BACE1: variants seen among roughly 807,000 people sequenced by gnomAD.
BACE1 encodes the protein beta-secretase 1.
A neutral mutation model predicts 54.0 loss-of-function variants in BACE1; 21 were observed. The ratio of observed to expected loss-of-function variants is 0.39; its 90% CI spans 0.28 to 0.56. The LOEUF is 0.56. BACE1 is among the 20% of genes least tolerant of loss of function. The probability of loss-of-function intolerance (pLI) is 0.63; values close to 1 mark genes in which losing one functional copy is unlikely to be tolerated. For synonymous variants in BACE1, 232 were observed against 260.9 expected (o/e 0.89, Z 1.07); for missense variants, 511 against 661.2 (o/e 0.77, Z 2.49).
intron 5 of BACE1, chr11:117,292,152 C>T (rs1385138747): frequency 6.4e-6 from 1 of 157,336 alleles, no homozygotes; most frequent in Non-Finnish European, 1.4e-5. Context: ...AATAAAAATA[C>T]CTTGTTTAGT....
intron 2 of BACE1, chr11:117,295,687 C>A: frequency 6.7e-7 from 1 of 1,502,186 alleles, no homozygotes; most frequent in Non-Finnish European, 8.9e-7. Context: ...CTCTTCCGCC[C>A]TCTGGCTCCG....
chr11:117,314,218 TC>T (rs2035020325), intron 1 of BACE1, among the ~76,000 whole-genome samples: 1 of 152,198 alleles, frequency 6.6e-6, no homozygotes, highest in Non-Finnish European at 1.5e-5. Context: ...TTCTGTTTGC[TC>T]AGGGCCTGGA....
At chr11:117,295,383 C>A in intron 2 of BACE1, 36 bp from the exon 3 acceptor site, 1 of 1,606,064 alleles carries the variant, frequency 6.2e-7, no homozygotes, top group Non-Finnish European at 8.5e-7. Context: ...GGATGCATAA[C>A]CACAACTGGT....
rs555861462 is a variant in BACE1, at chr11:117,293,253, C to G, written c.706-65G>C. 1.9e-6 allele frequency: 3 copies of G among 1,556,860 alleles called. No homozygotes were observed. The highest frequency in any genetic ancestry group is 2.7e-5 in the African/African-American group (2 of 73,102). ...GAAGGAGAGTGAGTCCCCCAAGGAC[C>G]AAGCAATAAGATCAGTGATTTCTTG... On this transcript the variant is annotated intron_variant, in intron 4 of 8. Coordinates refer to ENST00000313005, the MANE Select transcript of BACE1 (RefSeq NM_012104.6). This position sits in a 1 kb window ranked among gnomAD's most constrained non-coding sequence, Gnocchi z 4.1.
rs752204530 is a variant in BACE1 at position 117,295,135 on chromosome 11, G to C, written c.563C>G (p.Ala188Gly). Residue 188 changes from alanine (A) to glycine (G), a missense_variant, in exon 3 of 9, where the codon GCC (alanine) becomes GGC (glycine). By Grantham distance (60) the Ala-to-Gly change is moderately conservative. Coordinates refer to ENST00000313005, the MANE Select transcript of BACE1 (RefSeq NM_012104.6). ...GILGLAYAEI[A>G]RPDDSLEPFF... ...GCCAAGCCCTGTTCCTCTCACCCTG[G>C]CAATCTCAGCATAGGCCAGCCCCAG... 5.6e-6 allele frequency: 9 copies of C among 1,613,936 alleles called. No individual in the cohort carries two copies. The highest frequency in any genetic ancestry group is 6.8e-6 in the Non-Finnish European group (8 of 1,179,876).
At chr11:117,295,994 T>C (rs1225903573) in intron 2 of BACE1, among the ~76,000 whole-genome samples, 1 of 152,184 alleles carries the variant, frequency 6.6e-6, no homozygotes, top group Admixed American at 6.5e-5. Flanking sequence ...GAATGCCCTT[T>C]CATCGATCCT....
intron 1 of BACE1, among the ~76,000 whole-genome samples, chr11:117,303,283 G>C (rs964779): frequency 0.011 from 1,604 of 152,256 alleles, 20 homozygotes; most frequent in African/African-American, 0.034. Flanking sequence ...CAGATGCCCA[G>C]GGAGCTGCAG....
At chr11:117,298,515 C>T (rs1279745848) in intron 1 of BACE1, among the ~76,000 whole-genome samples, 1 of 152,204 alleles carries the variant, frequency 6.6e-6, no homozygotes, top group Non-Finnish European at 1.5e-5. Flanking sequence ...TCTGGCTTAT[C>T]CCCTCCAGCT....
At chr11:117,305,365 G>A (rs916589623) in intron 1 of BACE1, among the ~76,000 whole-genome samples, 4 of 152,288 alleles carry the variant, frequency 2.6e-5, no homozygotes, top group Non-Finnish European at 5.9e-5. Flanking sequence ...AGAGTCCAGC[G>A]ACTGGGTCCT....
At chr11:117,295,661 G>C in intron 2 of BACE1, 1 of 1,523,900 alleles carries the variant, frequency 6.6e-7, no homozygotes, top group Non-Finnish European at 8.8e-7. Flanking sequence ...CTGCTGCAGG[G>C]ACAGCTAGTG....
chr11:117,293,926 C>T lies in BACE1; in HGVS notation c.650G>A (p.Gly217Asp). The change falls in exon 4 of 9, where the codon GGT becomes GAT. Residue 217 changes from glycine (G) to aspartate (D), a missense_variant. Around this residue, in one of 2 missense-constraint regions of BACE1, gnomAD observed 407 missense variants for 565.7 expected, o/e 0.72. Coordinates refer to ENST00000313005, the MANE Select transcript of BACE1 (RefSeq NM_012104.6). The surrounding 1 kb of genome is among the most constrained non-coding windows in gnomAD (Gnocchi z 4.1). ...VPNLFSLQLC[G>D]AGFPLNQSEV... ...AGACTGGTTGAGGGGGAAGCCAGCA[C>T]CACAAAGCTGCAGGGAGAAGAGGTT... is the stretch of plus-strand genomic sequence containing the variant. 5.0e-6 allele frequency: 8 copies of T among 1,613,968 alleles called. No homozygotes were observed. Among genetic ancestry groups the T allele is most frequent in the Non-Finnish European group, 6.8e-6 (8 of 1,179,954 alleles).
chr11:117,293,881 C>T lies in BACE1; in HGVS notation c.695G>A (p.Gly232Glu), dbSNP rs759718391. 4 of 1,613,290 alleles carry T rather than the reference C, an allele frequency of 2.5e-6. No individual in the cohort carries two copies. The highest frequency in any genetic ancestry group is 2.7e-5 in the African/African-American group (2 of 75,008). ...LNQSEVLASV[G>E]GSMIIGGIDH... is the part of the protein sequence containing the mutation. ...TGAGGACCTACTCACCATGCTCCCT[C>T]CGACAGAGGCCAGCACTTCAGACTG... The change falls in exon 4 of 9, where the codon GGA becomes GAA. Residue 232 changes from glycine to glutamate, a missense_variant. By Grantham distance (98) the Gly-to-Glu change is moderately conservative. Around this residue, in one of 2 missense-constraint regions of BACE1, gnomAD observed 407 missense variants for 565.7 expected, o/e 0.72. Coordinates refer to ENST00000313005, the MANE Select transcript of BACE1 (RefSeq NM_012104.6). This position sits in a 1 kb window ranked among gnomAD's most constrained non-coding sequence, Gnocchi z 4.1.
intron 1 of BACE1, among the ~76,000 whole-genome samples, chr11:117,304,963 T>C (rs1274374961): frequency 2.3e-5 from 3 of 130,892 alleles, no homozygotes; most frequent in Admixed American, 8.4e-5. Flanking sequence ...CTCTTCCTAT[T>C]CTTTTTTTTT....
chr11:117,309,478 C>T (rs1246190939), intron 1 of BACE1, among the ~76,000 whole-genome samples: 6 of 152,068 alleles, frequency 3.9e-5, no homozygotes, highest in Admixed American at 6.5e-5. Flanking sequence ...TTTGGCTGGG[C>T]GCGGTGGCTC....
At chr11:117,292,618 T>C (rs1016043842) in intron 5 of BACE1, among the ~76,000 whole-genome samples, 9 of 152,178 alleles carry the variant, frequency 5.9e-5, no homozygotes, top group African/African-American at 1.9e-4. Context: ...ATCTCTGATA[T>C]TCTGAGAAAG....
intron 1 of BACE1, among the ~76,000 whole-genome samples, chr11:117,310,358 A>G (rs758160010): frequency 2.0e-5 from 3 of 152,196 alleles, no homozygotes; most frequent in Non-Finnish European, 4.4e-5. Context: ...TGGTATTGTT[A>G]TAGATTATTA....
chr11:117,305,233 T>C (rs75017009), intron 1 of BACE1, among the ~76,000 whole-genome samples: 2 of 152,132 alleles, frequency 1.3e-5, no homozygotes, highest in African/African-American at 4.8e-5. Context: ...CTGCTTTTCC[T>C]AAGTGATTTC....
At chr11:117,303,655 CATT>C (rs1295499821) in intron 1 of BACE1, among the ~76,000 whole-genome samples, 2 of 152,200 alleles carry the variant, frequency 1.3e-5, no homozygotes, top group Non-Finnish European at 2.9e-5. Flanking sequence ...AACCATCTCT[CATT>C]ATTAAGAATC....
At position 117,315,001 on chromosome 11, in the gene BACE1, G is replaced by A. The variant is rs2035056157; in HGVS notation, c.261+534C>T. Among the ~76,000 whole-genome samples, 1 of 152,176 alleles carries A rather than the reference G, an allele frequency of 6.6e-6. No individual in the cohort carries two copies. The highest frequency in any genetic ancestry group is 1.5e-5 in the Non-Finnish European group (1 of 68,012). On this transcript the variant is annotated intron_variant, in intron 1 of 8. Transcript: ENST00000313005. This position sits in a 1 kb window ranked among gnomAD's most constrained non-coding sequence, Gnocchi z 5.5. ...AGGGCTTCCGGGCGGAGTGCAGTCA[G>A]GGGGGCCTCGACAACCTCACTTTGC...
Sources: allele counts gnomAD v4.1 joint callset (sites outside exome capture counted in the v4.1 genomes callset), GRCh38; gene constraint gnomAD v4.1.1; regional missense constraint gnomAD v4.1.1; non-coding constraint Gnocchi (gnomAD v3.1); transcripts MANE v1.5; gene names NCBI Gene and HGNC (gene_info 2026-07-23, HGNC 2026-07-21).